Variants in BAZ2B observed in about 807,000 individuals in gnomAD.
The protein encoded by BAZ2B is bromodomain adjacent to zinc finger domain 2B.
Under a neutral mutation model 246.0 loss-of-function variants are expected in BAZ2B, and 91 were observed. That is an observed-to-expected ratio of 0.37 (90% CI 0.31 to 0.44). BAZ2B has a LOEUF of 0.44. Ranked by LOEUF, BAZ2B falls within the 20% of genes least tolerant of loss-of-function variation. BAZ2B has a pLI of 1.00. For missense variants in BAZ2B, 2,332 were observed against 2,533.7 expected (o/e 0.92, Z 1.71); for synonymous variants, 855 against 860.0 (o/e 0.99, Z 0.10).
At chr2:159,516,139 C>T (rs889607675) in intron 2 of BAZ2B, 2 of 152,002 alleles carry the variant, frequency 1.3e-5, no homozygotes, top group Non-Finnish European at 2.9e-5. Flanking sequence ...GTAGTTTCTA[C>T]TCTAATTGTA....
At chr2:159,677,230 C>A in the BAZ2B span, among the ~76,000 whole-genome samples, 1 of 151,540 alleles carries the variant, frequency 6.6e-6, no homozygotes, top group Non-Finnish European at 1.5e-5. Context: ...CAGCTTCCTT[C>A]ATTTTAAAGA....
Position 159,374,762 on chromosome 2 carries a change from A to T in BAZ2B, c.4006-9T>A. ...GCTTGGTCACCTTCATCCTATACAT[A>T]AGAAAATACAGTGTCATTTATCTGT... On this transcript the variant is annotated splice_polypyrimidine_tract_variant and intron_variant, in intron 25 of 36. Coordinates refer to ENST00000392783, the MANE Select transcript of BAZ2B (RefSeq NM_013450.4). 1.2e-6 allele frequency: 2 copies of T among 1,606,700 alleles called. No homozygotes were observed. The highest frequency in any genetic ancestry group is 4.5e-5 in the East Asian group (2 of 44,732).
At chr2:159,470,033 T>C (rs2077577251) in intron 3 of BAZ2B, among the ~76,000 whole-genome samples, 1 of 152,204 alleles carries the variant, frequency 6.6e-6, no homozygotes, top group Non-Finnish European at 1.5e-5. Context: ...AATTCAACAG[T>C]GCTTTATTTC....
chr2:159,576,387 G>A (rs540015207), intron 1 of BAZ2B, among the ~76,000 whole-genome samples: 5 of 152,004 alleles, frequency 3.3e-5, no homozygotes, highest in East Asian at 1.9e-4. Flanking sequence ...GTGAGACCCC[G>A]TCTTTACAAA....
At chr2:159,381,150 C>T (rs1246403416) in intron 25 of BAZ2B, among the ~76,000 whole-genome samples, 2 of 152,086 alleles carry the variant, frequency 1.3e-5, no homozygotes, top group African/African-American at 4.8e-5. Flanking sequence ...ACCAATCCCC[C>T]TCTGTAATCT....
intron 31 of BAZ2B, among the ~76,000 whole-genome samples, chr2:159,341,580 C>A (rs1423634065): frequency 6.6e-6 from 1 of 152,170 alleles, no homozygotes; most frequent in African/African-American, 2.4e-5. Context: ...ACATTATTTT[C>A]ATCAGCACAT....
intron 18 of BAZ2B, chr2:159,398,249 C>G (rs1411440856): frequency 6.6e-6 from 1 of 151,954 alleles, no homozygotes; most frequent in East Asian, 1.9e-4. Context: ...TCTCCTATAC[C>G]CCATGCCAGG....
chr2:159,698,467 G>A, the BAZ2B span, among the ~76,000 whole-genome samples: 1 of 145,688 alleles, frequency 6.9e-6, no homozygotes, highest in African/African-American at 2.6e-5. Context: ...CTGCACCACT[G>A]CACTCCAGCC....
chr2:159,531,330 G>C (rs368589611), intron 2 of BAZ2B, among the ~76,000 whole-genome samples: 32 of 151,810 alleles, frequency 2.1e-4, no homozygotes, highest in Non-Finnish European at 3.5e-4. Context: ...AATTTTTTTC[G>C]ATCAATTTTT....
At chr2:159,410,614 T>C (rs2066679491) in intron 14 of BAZ2B, among the ~76,000 whole-genome samples, 1 of 152,170 alleles carries the variant, frequency 6.6e-6, no homozygotes, top group Admixed American at 6.5e-5. Context: ...TCTTCCTTTA[T>C]AAATTACCCA....
chr2:159,519,294 A>G (rs1306633498), intron 2 of BAZ2B, among the ~76,000 whole-genome samples: 1 of 126,526 alleles, frequency 7.9e-6, no homozygotes, highest in African/African-American at 3.0e-5. Flanking sequence ...CAGTGGCGCA[A>G]TCTCGGCTCA....
intron 1 of BAZ2B, among the ~76,000 whole-genome samples, chr2:159,591,511 T>C (rs1365667717): frequency 6.6e-6 from 1 of 152,198 alleles, no homozygotes; most frequent in South Asian, 2.1e-4. Flanking sequence ...AAGTATTGAA[T>C]GGCATATACA....
At chr2:159,572,738 T>A (rs1205539390) in intron 1 of BAZ2B, among the ~76,000 whole-genome samples, 1 of 152,206 alleles carries the variant, frequency 6.6e-6, no homozygotes, top group Non-Finnish European at 1.5e-5. Context: ...TATTTTAACA[T>A]AAGTACATGC....
intron 34 of BAZ2B, among the ~76,000 whole-genome samples, chr2:159,330,813 A>G (rs572950539): frequency 6.6e-6 from 1 of 152,124 alleles, no homozygotes; most frequent in Admixed American, 6.6e-5. Context: ...AAACTGTGAT[A>G]GTGTCACTGC....
At chr2:159,552,501 T>G (rs545389246) in intron 2 of BAZ2B, among the ~76,000 whole-genome samples, 1 of 152,222 alleles carries the variant, frequency 6.6e-6, no homozygotes, top group South Asian at 2.1e-4. Flanking sequence ...CCTTTTAAAT[T>G]CAAATAATGC....
intron 2 of BAZ2B, among the ~76,000 whole-genome samples, chr2:159,555,014 G>A (rs1362399870): frequency 6.6e-6 from 1 of 150,994 alleles, no homozygotes; most frequent in Non-Finnish European, 1.5e-5. Context: ...ATTTAAGCAA[G>A]ATGCCTAAAA....
chr2:159,653,404 T>C, the BAZ2B span, among the ~76,000 whole-genome samples: 1 of 152,230 alleles, frequency 6.6e-6, no homozygotes, highest in Admixed American at 6.5e-5. Flanking sequence ...TGTTCAAATG[T>C]ATACCCAACC....
At chr2:159,590,060 G>T (rs913444048) in intron 1 of BAZ2B, among the ~76,000 whole-genome samples, 2 of 151,416 alleles carry the variant, frequency 1.3e-5, no homozygotes, top group Non-Finnish European at 2.9e-5. Flanking sequence ...GCTGGCAGGC[G>T]CCTGTAATCC....
At chr2:159,676,571 T>C in the BAZ2B span, among the ~76,000 whole-genome samples, 1 of 151,000 alleles carries the variant, frequency 6.6e-6, no homozygotes, top group African/African-American at 2.4e-5. Flanking sequence ...TCCCAGCTAC[T>C]TGGGAGGCTG....
Sources: allele counts gnomAD v4.1 joint callset (sites outside exome capture counted in the v4.1 genomes callset), GRCh38; gene constraint gnomAD v4.1.1; transcripts MANE v1.5; gene names NCBI Gene and HGNC (gene_info 2026-07-23, HGNC 2026-07-21).